The following NFXL1 variants were observed in gnomAD, a reference collection of about 807,000 sequenced individuals.
NFXL1 encodes nuclear transcription factor, X-box binding like 1.
A neutral mutation model predicts 123.3 loss-of-function variants in NFXL1; 66 were observed. That is an observed-to-expected ratio of 0.54 (90% CI 0.44 to 0.66). NFXL1 has a LOEUF of 0.66. Among genes scored for constraint, NFXL1 ranks in the 30% least tolerant of loss-of-function variants. The pLI is 0.00. For synonymous variants in NFXL1, 346 were observed against 360.8 expected (o/e 0.96, Z 0.46); for missense variants, 944 against 1,125.6 (o/e 0.84, Z 2.31).
chr4:47,871,762 T>C (rs1735451585), intron 18 of NFXL1, among the ~76,000 whole-genome samples: 1 of 152,162 alleles, frequency 6.6e-6, no homozygotes, highest in African/African-American at 2.4e-5. Flanking sequence ...ATAACTTTAA[T>C]ATAAGAAAAG....
Position 47,848,087 on chromosome 4 carries a change from A to G in NFXL1, c.*76T>C. ...GTAAATATATATCATGTTCTATAAT[A>G]TACATTTTCTAATATTTCAAATTTA... is the stretch of plus-strand genomic sequence containing the variant. On this transcript the variant is annotated 3_prime_UTR_variant, in exon 23 of 23. Transcript: ENST00000507489. 1.1e-6 allele frequency: 1 copy of G among 886,634 alleles called. No individual in the cohort carries two copies. The highest frequency in any genetic ancestry group is 1.7e-6 in the Non-Finnish European group (1 of 579,880). 54.9% of individuals were successfully genotyped at this position (886,634 alleles called of 1,614,324 possible).
chr4:47,873,024 T>C (rs1292511903), intron 18 of NFXL1, among the ~76,000 whole-genome samples: 1 of 152,234 alleles, frequency 6.6e-6, no homozygotes, highest in South Asian at 2.1e-4. Context: ...CCTAATCCTT[T>C]GCTGTCATTT....
chr4:47,890,335 G>A lies in NFXL1; in HGVS notation c.1543+278C>T, dbSNP rs565820265. 3.3e-5 allele frequency among the ~76,000 whole-genome samples: 5 copies of A among 152,224 alleles called. No homozygotes were observed. In the East Asian group the frequency reaches 9.7e-4, roughly 29 times the overall value. On this transcript the variant is annotated intron_variant, in intron 12 of 22. Coordinates refer to ENST00000507489, the MANE Select transcript of NFXL1 (RefSeq NM_001278624.2). ...TCAGGAAGTGGGAAAACAATATGGT[G>A]TTATAGAAAGGACAATACTTTTATA...
rs574444228 is a variant in NFXL1 at position 47,913,011 on chromosome 4, C to CA, written c.235+957dup. 8.5e-3 allele frequency among the ~76,000 whole-genome samples: 630 copies of CA among 74,446 alleles called. 14 individuals are homozygous for CA. The highest frequency in any genetic ancestry group is 9.9e-3 in the Non-Finnish European group (370 of 37,372). 48.8% of individuals were successfully genotyped at this position (74,446 alleles called of 152,430 possible). On this transcript the variant is annotated intron_variant, in intron 2 of 22. Transcript: ENST00000507489. ...CTGGGCGACCAGCGAGACTCTGTCT[C>CA]AAAAAAAAAAAAAAAAAAAAAAAGT...
chr4:47,866,205 GA>G (rs1455997822), intron 18 of NFXL1, among the ~76,000 whole-genome samples: 1 of 151,996 alleles, frequency 6.6e-6, no homozygotes. Context: ...AACACTCTGG[GA>G]AGAAGGTAAA....
intron 5 of NFXL1, among the ~76,000 whole-genome samples, chr4:47,901,113 T>C (rs546624475): frequency 6.6e-6 from 1 of 152,178 alleles, no homozygotes; most frequent in Admixed American, 6.5e-5. Flanking sequence ...TTTTAAATAA[T>C]GGGATGCCAA....
At chr4:47,884,822 C>T (rs886065958) in intron 14 of NFXL1, among the ~76,000 whole-genome samples, 2 of 152,000 alleles carry the variant, frequency 1.3e-5, no homozygotes, top group Non-Finnish European at 2.9e-5. Context: ...TTAGTAAGGG[C>T]TCAATAAATG....
intron 10 of NFXL1, 92 bp from the exon 11 acceptor site, chr4:47,894,394 C>T: frequency 1.1e-6 from 1 of 891,622 alleles, no homozygotes. Context: ...ACATAATGAA[C>T]AAAAATTTTA....
At chr4:47,851,377 A>C (rs1734107438) in intron 21 of NFXL1, among the ~76,000 whole-genome samples, 1 of 152,138 alleles carries the variant, frequency 6.6e-6, no homozygotes, top group African/African-American at 2.4e-5. Context: ...ATCTCAGCTT[A>C]ACAAGTAAAA....
At chr4:47,866,994 C>T (rs911654153) in intron 18 of NFXL1, among the ~76,000 whole-genome samples, 4 of 152,112 alleles carry the variant, frequency 2.6e-5, no homozygotes, top group East Asian at 1.9e-4. Flanking sequence ...AGACTCTGGG[C>T]GCTTGTGACT....
chr4:47,909,326 A>G (rs1737718740), intron 3 of NFXL1, among the ~76,000 whole-genome samples: 1 of 152,214 alleles, frequency 6.6e-6, no homozygotes, highest in Non-Finnish European at 1.5e-5. Flanking sequence ...AAACAGGTAC[A>G]AAAGTAACCG....
intron 20 of NFXL1, among the ~76,000 whole-genome samples, chr4:47,852,547 CT>C (rs1734182153): frequency 6.6e-6 from 1 of 152,092 alleles, no homozygotes; most frequent in Admixed American, 6.6e-5. Flanking sequence ...TTTCTCTCGA[CT>C]GTTAAACTTT....
chr4:47,879,151 T>C, intron 15 of NFXL1, 34 bp from the exon 16 acceptor site: 1 of 982,510 alleles, frequency 1.0e-6, no homozygotes, highest in South Asian at 1.9e-5. Context: ...ATGAAAACAT[T>C]ACAAATTATT....
In NFXL1 at chr4:47,894,310, A is replaced by C; in HGVS notation, c.1330-8T>G. 6.4e-7 allele frequency: 1 copy of C among 1,563,138 alleles called. No homozygotes were observed. The highest frequency in any genetic ancestry group is 8.7e-7 in the Non-Finnish European group (1 of 1,155,632). On this transcript the variant is annotated splice_region_variant and splice_polypyrimidine_tract_variant and intron_variant, in intron 10 of 22. Transcript: ENST00000507489. ...ACAATGCTTTTCCACTTCCTGGAAG[A>C]ATAAAAGAAATGCTATTAAAATTGA...
chr4:47,895,271 G>A (rs1578032254), intron 10 of NFXL1, among the ~76,000 whole-genome samples: 1 of 152,090 alleles, frequency 6.6e-6, no homozygotes, highest in African/African-American at 2.4e-5. Flanking sequence ...TGGTAAATGA[G>A]CACTGGCTTC....
At position 47,910,973 on chromosome 4, in the gene NFXL1, A is replaced by C. The variant is rs779511582; in HGVS notation, c.257T>G (p.Phe86Cys). The change falls in exon 3 of 23, where the codon TTT becomes TGT. Residue 86 changes from phenylalanine to cysteine, a missense_variant. Transcript: ENST00000507489. ...TTGGTTAGCTTTCTTGATTTCTTCAAATTTTTTCTGAGACATTAGCTCTGT... is the reference window on the plus strand; with the variant it reads ...TTGGTTAGCTTTCTTGATTTCTTCACATTTTTTCTGAGACATTAGCTCTGT... ...AASELMSQKK[F>C]EEIKKANQAA... 1.9e-6 allele frequency: 3 copies of C among 1,600,364 alleles called. No individual in the cohort carries two copies. The highest frequency in any genetic ancestry group is 1.7e-6 in the Non-Finnish European group (2 of 1,174,616).
intron 2 of NFXL1, among the ~76,000 whole-genome samples, chr4:47,911,241 A>C (rs542057449): frequency 5.4e-4 from 82 of 152,348 alleles, no homozygotes; most frequent in Non-Finnish European, 9.8e-4. Flanking sequence ...AACGGTGATT[A>C]ACAAATCAAG....
At chr4:47,893,310 A>C (rs1736889601) in intron 11 of NFXL1, among the ~76,000 whole-genome samples, 2 of 152,128 alleles carry the variant, frequency 1.3e-5, no homozygotes, top group South Asian at 4.1e-4. Flanking sequence ...AATTTCACAA[A>C]TATAATAAAA....
At chr4:47,892,087 T>C (rs1284010876) in intron 11 of NFXL1, among the ~76,000 whole-genome samples, 2 of 152,204 alleles carry the variant, frequency 1.3e-5, no homozygotes, top group African/African-American at 2.4e-5. Context: ...TTTTGAGTTA[T>C]GATGGAGTAA....
Sources: allele counts gnomAD v4.1 joint callset (sites outside exome capture counted in the v4.1 genomes callset), GRCh38; gene constraint gnomAD v4.1.1; transcripts MANE v1.5; gene names NCBI Gene and HGNC (gene_info 2026-07-23, HGNC 2026-07-21).